The following CCDC7 variants were observed in gnomAD, a reference collection of about 807,000 sequenced individuals.
The protein encoded by CCDC7 is coiled-coil domain containing 7.
CCDC7 carries 183 observed loss-of-function variants against 196.9 expected under a neutral mutation model. The observed-to-expected ratio is 0.93, with a 90% CI of 0.82 to 1.05. The LOEUF is 1.05. Ranked by LOEUF, CCDC7 falls within the 50% of genes least tolerant of loss-of-function variation. The pLI is 0.00. For missense variants in CCDC7, 1,540 were observed against 1,482.2 expected, an observed-to-expected ratio of 1.04 and a Z score of -0.64; for synonymous variants, 525 against 484.6, an observed-to-expected ratio of 1.08 and a Z score of -1.10.
At chr10:32,835,948 A>G (rs1205146515) in intron 33 of CCDC7, among the ~76,000 whole-genome samples, 3 of 152,136 alleles carry the variant, frequency 2.0e-5, no homozygotes, top group African/African-American at 7.2e-5. Context: ...TGAATGTGAT[A>G]AGAAGAGGAG....
At chr10:32,711,398 A>G (rs914199554) in intron 24 of CCDC7, among the ~76,000 whole-genome samples, 1 of 152,112 alleles carries the variant, frequency 6.6e-6, no homozygotes, top group Non-Finnish European at 1.5e-5. Flanking sequence ...CTAATATAAA[A>G]CACATTTAAT....
At chr10:32,446,501 C>G (rs1464361715) in intron 1 of CCDC7, 104 bp downstream of exon 1, 2 of 152,382 alleles carry the variant, frequency 1.3e-5, no homozygotes, top group Non-Finnish European at 2.9e-5. Flanking sequence ...TGGCTGCCTC[C>G]GTGGCGGTTG....
chr10:32,877,321 A>C (rs1295486043), downstream of CCDC7, among the ~76,000 whole-genome samples: 1 of 152,118 alleles, frequency 6.6e-6, no homozygotes, highest in African/African-American at 2.4e-5. Flanking sequence ...TAAAACTGTG[A>C]AAGATCCCAA....
chr10:32,459,768 C>A (rs1443852229), intron 3 of CCDC7, among the ~76,000 whole-genome samples: 1 of 146,678 alleles, frequency 6.8e-6, no homozygotes, highest in African/African-American at 2.5e-5. Context: ...TTCAGTAGAC[C>A]AAGAATAACC....
At chr10:32,582,106 CTATATATATATATATATATA>C (rs6143863) in intron 16 of CCDC7, among the ~76,000 whole-genome samples, 8 of 103,752 alleles carry the variant, frequency 7.7e-5, no homozygotes, top group African/African-American at 2.6e-4. Flanking sequence ...ACTGTCAGCA[CTATATATATATATATATATA>C]TATATATATA....
At chr10:32,777,733 A>G (rs141853203) in intron 28 of CCDC7, among the ~76,000 whole-genome samples, 5,550 of 152,124 alleles carry the variant, frequency 0.036, 110 homozygotes, top group Non-Finnish European at 0.05. Context: ...GTATGGTGGC[A>G]TGCGCCTGTA....
chr10:32,614,260 T>G (rs1205599351), intron 18 of CCDC7, among the ~76,000 whole-genome samples: 1 of 152,022 alleles, frequency 6.6e-6, no homozygotes, highest in African/African-American at 2.4e-5. Context: ...CTTTTTTTTT[T>G]TGCTTTGCTT....
intron 11 of CCDC7, among the ~76,000 whole-genome samples, chr10:32,539,826 G>A (rs1317951392): frequency 6.6e-6 from 1 of 152,110 alleles, no homozygotes; most frequent in African/African-American, 2.4e-5. Flanking sequence ...ATGGTTTTGA[G>A]TGATTTTCTT....
intron 9 of CCDC7, among the ~76,000 whole-genome samples, chr10:32,503,491 T>A (rs1204716099): frequency 6.6e-6 from 1 of 152,216 alleles, no homozygotes; most frequent in Non-Finnish European, 1.5e-5. Flanking sequence ...TTCCACTTGA[T>A]CATGGTGAAT....
chr10:32,561,299 C>T (rs1004602553), intron 13 of CCDC7, among the ~76,000 whole-genome samples: 11 of 152,138 alleles, frequency 7.2e-5, no homozygotes, highest in Non-Finnish European at 1.3e-4. Flanking sequence ...ACCAAGCAGA[C>T]CTAATAGACA....
upstream of CCDC7, among the ~76,000 whole-genome samples, chr10:32,446,908 C>CCCTCCCTCCCTTCCTTCCTG: frequency 1.4e-5 from 1 of 69,022 alleles, no homozygotes; most frequent in East Asian, 6.8e-4. Context: ...CTGCCTGCCT[C>CCCTCCCTCCCTTCCTTCCTG]CCTCCCTCCC....
intron 18 of CCDC7, among the ~76,000 whole-genome samples, chr10:32,585,961 C>T (rs1236134317): frequency 6.6e-6 from 1 of 152,202 alleles, no homozygotes; most frequent in Non-Finnish European, 1.5e-5. Context: ...CTGTCTTCCA[C>T]AATGGTTGAA....
Position 32,483,168 on chromosome 10 carries a change from C to G in CCDC7, c.797-8754C>G, listed in dbSNP as rs537647750. On this transcript the variant is annotated intron_variant, in intron 8 of 41. Coordinates refer to ENST00000639629, the Ensembl canonical transcript of CCDC7. ...CATCCTCTCCAGCACCTGTTGTTTCCTGACTTTTTAATGATCACCATTCTA... is the reference window on the plus strand; with the variant it reads ...CATCCTCTCCAGCACCTGTTGTTTCGTGACTTTTTAATGATCACCATTCTA... Among the ~76,000 whole-genome samples, 257 of 152,270 alleles carry G rather than the reference C, an allele frequency of 1.7e-3. 1 individual carries two copies. The highest frequency in any genetic ancestry group is 5.7e-3 in the African/African-American group (238 of 41,542).
chr10:32,817,569 G>A (rs1440958296), intron 31 of CCDC7, among the ~76,000 whole-genome samples: 1 of 152,182 alleles, frequency 6.6e-6, no homozygotes, highest in Non-Finnish European at 1.5e-5. Flanking sequence ...AGGAAAAAAT[G>A]TTAAGGGCAG....
At chr10:32,708,170 C>T (rs1395857580) in intron 24 of CCDC7, among the ~76,000 whole-genome samples, 2 of 150,444 alleles carry the variant, frequency 1.3e-5, no homozygotes, top group African/African-American at 2.5e-5. Context: ...TAATACCACA[C>T]ATCTACACCC....
intron 21 of CCDC7, among the ~76,000 whole-genome samples, chr10:32,667,922 T>G (rs1276321759): frequency 6.6e-6 from 1 of 152,088 alleles, no homozygotes; most frequent in Non-Finnish European, 1.5e-5. Context: ...ACTGGTAGCT[T>G]GATGGGGATG....
intron 13 of CCDC7, among the ~76,000 whole-genome samples, chr10:32,557,557 T>C (rs1055290318): frequency 6.6e-6 from 1 of 152,202 alleles, no homozygotes; most frequent in Non-Finnish European, 1.5e-5. Context: ...TGTATTTAGA[T>C]TGGGTATTTT....
At chr10:32,628,869 G>C (rs2064422424) in intron 18 of CCDC7, among the ~76,000 whole-genome samples, 1 of 152,046 alleles carries the variant, frequency 6.6e-6, no homozygotes, top group African/African-American at 2.4e-5. Flanking sequence ...AAAGATATTT[G>C]ATATGATTTC....
At chr10:32,555,964 G>C (rs2054277592) in intron 13 of CCDC7, among the ~76,000 whole-genome samples, 1 of 152,152 alleles carries the variant, frequency 6.6e-6, no homozygotes, top group South Asian at 2.1e-4. Context: ...GTTTAAAGAA[G>C]GATCCCTAGT....
Sources: allele counts gnomAD v4.1 joint callset (sites outside exome capture counted in the v4.1 genomes callset), GRCh38; gene constraint gnomAD v4.1.1; transcripts MANE v1.5; gene names NCBI Gene and HGNC (gene_info 2026-07-23, HGNC 2026-07-21).